The following NHSL2 variants were observed in gnomAD, a reference collection of about 807,000 sequenced individuals.
NHSL2 encodes NHS-like protein 2.
NHSL2 carries 27 observed loss-of-function variants against 53.4 expected under a neutral mutation model. The observed-to-expected ratio is 0.51, with a 90% CI of 0.37 to 0.70. The LOEUF (loss-of-function observed/expected upper bound fraction) is 0.70. Ranked by LOEUF, NHSL2 falls within the 30% of genes least tolerant of loss-of-function variation. NHSL2 has a pLI of 0.00. For synonymous variants in NHSL2, 408 were observed against 404.1 expected (o/e 1.01, Z -0.12); for missense variants, 892 against 980.1 (o/e 0.91, Z 1.20).
chrX:71,977,112 A>G (rs1261488827), intron 1 of NHSL2, among the ~76,000 whole-genome samples: 1 of 112,081 alleles, frequency 8.9e-6, no homozygotes, highest in Admixed American at 9.5e-5. Context: ...GCTCTCCCTT[A>G]AAGGCTTTGG....
At chrX:72,113,415 G>A (rs1180047347) in intron 1 of NHSL2, among the ~76,000 whole-genome samples, 2 of 111,415 alleles carry the variant, frequency 1.8e-5, no homozygotes, top group Non-Finnish European at 3.8e-5. Flanking sequence ...ACTTCAGTAG[G>A]GATGGCACCA....
chrX:71,931,089 A>T (rs924912243), intron 1 of NHSL2, among the ~76,000 whole-genome samples: 4 of 112,307 alleles, frequency 3.6e-5, no homozygotes, highest in African/African-American at 1.3e-4. Context: ...TATTATAGCC[A>T]TCCTAGGGAG....
chrX:71,925,347 C>T lies in NHSL2; in HGVS notation c.280+13980C>T, dbSNP rs372038322. 5.4e-5 allele frequency among the ~76,000 whole-genome samples: 6 copies of T among 111,138 alleles called. No homozygotes were observed. The East Asian group carries it at 8.4e-4, about 16-fold the overall frequency. ...ATTCCTGTCTGTTTTCCCCCACTGCCCTGGTATGCAGTAAGTGCTCAATAC... is the reference window on the plus strand; with the variant it reads ...ATTCCTGTCTGTTTTCCCCCACTGCTCTGGTATGCAGTAAGTGCTCAATAC... On this transcript the variant is annotated intron_variant, in intron 1 of 7. Coordinates refer to ENST00000633930, the MANE Select transcript of NHSL2 (RefSeq NM_001013627.3).
chrX:71,965,153 C>CTAA (rs1344073810), intron 1 of NHSL2, among the ~76,000 whole-genome samples: 2 of 112,138 alleles, frequency 1.8e-5, no homozygotes, highest in African/African-American at 6.5e-5. Flanking sequence ...TACAAATAGA[C>CTAA]TAATAATCGA....
At chrX:72,126,571 T>TG (rs1356040355) in intron 1 of NHSL2, among the ~76,000 whole-genome samples, 3 of 56,676 alleles carry the variant, frequency 5.3e-5, no homozygotes, top group African/African-American at 7.6e-5. Context: ...CCACTTCCCC[T>TG]GGAAAAAAAA....
intron 1 of NHSL2, among the ~76,000 whole-genome samples, chrX:71,959,848 A>G (rs1369264359): frequency 8.9e-6 from 1 of 112,191 alleles, no homozygotes; most frequent in Non-Finnish European, 1.9e-5. Flanking sequence ...ATATGGATAT[A>G]CCATGTTTTG....
chrX:71,962,566 C>G (rs1263956711), intron 1 of NHSL2, among the ~76,000 whole-genome samples: 1 of 105,223 alleles, frequency 9.5e-6, no homozygotes. Flanking sequence ...ACTTGGTTCT[C>G]TTATAATTTT....
intron 1 of NHSL2, among the ~76,000 whole-genome samples, chrX:72,088,115 C>T (rs1220797314): frequency 9.0e-6 from 1 of 111,228 alleles, no homozygotes; most frequent in Non-Finnish European, 1.9e-5. Flanking sequence ...CTTGTAATCC[C>T]AGCTACTCGG....
intron 1 of NHSL2, among the ~76,000 whole-genome samples, chrX:71,933,905 G>A (rs2041725354): frequency 9.0e-6 from 1 of 111,369 alleles, no homozygotes; most frequent in South Asian, 3.8e-4. Context: ...AGGAGCTGGG[G>A]AACTTGTGAC....
chrX:71,963,991 A>G (rs1474210380), intron 1 of NHSL2, among the ~76,000 whole-genome samples: 3,919 of 60,505 alleles, frequency 0.065, 490 homozygotes, highest in African/African-American at 0.16. Flanking sequence ...ATATATATAT[A>G]TGTATATACA....
At chrX:72,084,579 T>C (rs2041819552) in intron 1 of NHSL2, among the ~76,000 whole-genome samples, 2 of 112,128 alleles carry the variant, frequency 1.8e-5, no homozygotes, top group Admixed American at 1.9e-4. Context: ...GGAGGAAGCA[T>C]AGCCTTGAGC....
intron 1 of NHSL2, among the ~76,000 whole-genome samples, chrX:72,031,176 T>C (rs1380952456): frequency 9.0e-6 from 1 of 111,698 alleles, no homozygotes; most frequent in South Asian, 3.8e-4. Context: ...TGGGGCTTAA[T>C]TGAGGGCACC....
chrX:72,039,064 T>C (rs759696902), intron 1 of NHSL2, among the ~76,000 whole-genome samples: 1 of 105,369 alleles, frequency 9.5e-6, no homozygotes, highest in African/African-American at 3.6e-5. Context: ...CCCTTCTCTT[T>C]TCTTTTCCTT....
At chrX:71,957,066 A>G (rs997005195) in intron 1 of NHSL2, among the ~76,000 whole-genome samples, 8 of 112,047 alleles carry the variant, frequency 7.1e-5, no homozygotes, top group Admixed American at 3.7e-4. Flanking sequence ...CTCTCTGGGC[A>G]TGTAATTCAT....
chrX:71,938,460 T>C (rs1255481824), intron 1 of NHSL2, among the ~76,000 whole-genome samples: 2 of 112,310 alleles, frequency 1.8e-5, no homozygotes, highest in African/African-American at 3.2e-5. Flanking sequence ...TCTTCTCCCA[T>C]GCATGATTGC....
intron 1 of NHSL2, among the ~76,000 whole-genome samples, chrX:72,123,241 A>G (rs1343472756): frequency 3.6e-5 from 4 of 112,458 alleles, no homozygotes; most frequent in African/African-American, 6.5e-5. Context: ...GTAATTCAAG[A>G]TGTCTGAAAT....
rs1221357028 is a variant in NHSL2 at position 72,093,717 on chromosome X, GCTTGCTTT to G, written c.281-38358_281-38351del. On this transcript the variant is annotated intron_variant, in intron 1 of 7. Transcript: ENST00000633930. ...TGTGAATATTCCCCTAGTATAGCTT[GCTTGCTTT>G]CTTTCTTTCTTTCTTTCTTTCTTTC... Among the ~76,000 whole-genome samples, 655 of 78,674 alleles carry G rather than the reference GCTTGCTTT, an allele frequency of 8.3e-3. 6 individuals carry two copies. Among genetic ancestry groups the G allele is most frequent in the African/African-American group, 0.025 (551 of 22,128 alleles). The allele number at this position is 78,674 out of a possible 115,157, so 68.3% of individuals were successfully genotyped here.
At chrX:72,006,406 C>A (rs2042094547) in intron 1 of NHSL2, among the ~76,000 whole-genome samples, 1 of 112,181 alleles carries the variant, frequency 8.9e-6, no homozygotes, top group East Asian at 2.8e-4. Context: ...ACCCCAAATA[C>A]ACACTGCCTT....
intron 1 of NHSL2, among the ~76,000 whole-genome samples, chrX:72,107,977 C>T (rs147517360): frequency 0.044 from 4,908 of 111,595 alleles, 290 homozygotes; most frequent in African/African-American, 0.15. Context: ...CTCTTGGCCC[C>T]GTGGAGGCTG....
Sources: gnomAD v4.1 joint callset for allele counts (sites outside exome capture counted in the v4.1 genomes callset) on GRCh38, gnomAD v4.1.1 for gene constraint, MANE v1.5 for transcripts, NCBI Gene and HGNC (gene_info 2026-07-23, HGNC 2026-07-21) for gene names.